The following FBXO28 variants were observed in gnomAD, a reference collection of about 807,000 sequenced individuals.
The protein encoded by FBXO28 is F-box protein 28, also known as F-box only protein 28.
Under a neutral mutation model 38.1 loss-of-function variants are expected in FBXO28, and 8 were observed. The ratio of observed to expected loss-of-function variants is 0.21; its 90% confidence interval spans 0.12 to 0.38. FBXO28 has a LOEUF of 0.38. FBXO28 is among the 10% of genes least tolerant of loss of function. The pLI, the probability that FBXO28 is intolerant of heterozygous loss-of-function variation, is 1.00. For missense variants in FBXO28, 345 were observed against 460.6 expected (o/e 0.75, Z 2.30); for synonymous variants, 168 against 173.8 (o/e 0.97, Z 0.26).
In FBXO28 at chr1:224,130,591, G is replaced by C; in HGVS notation, c.377+10G>C. On this transcript the variant is annotated intron_variant, in intron 2 of 4. Transcript: ENST00000366862. Reference sequence around the variant, plus strand: ...AAGCACAACTCCCAAGGTATGTTGTGGGTGGCAATGACAATGATGTACAGT... The same window carrying C: ...AAGCACAACTCCCAAGGTATGTTGTCGGTGGCAATGACAATGATGTACAGT... 5 of 1,563,222 alleles carry C rather than the reference G, an allele frequency of 3.2e-6. No homozygotes were observed. The highest frequency in any genetic ancestry group is 4.4e-6 in the Non-Finnish European group (5 of 1,134,716).
At position 224,141,859 on chromosome 1, in the gene FBXO28, C is replaced by T. The variant is rs187283255; in HGVS notation, c.516+7647C>T. Among the ~76,000 whole-genome samples the T allele has an allele frequency of 4.6e-3, 699 of 151,264 alleles. 2 individuals are homozygous for T. The highest frequency in any genetic ancestry group is 0.013 in the South Asian group (64 of 4,784). ...TGAAAGCCTAGGACATTACTGTACACTTTGTAAACACTGCATACTGAGGCT... is the reference window on the plus strand; with the variant it reads ...TGAAAGCCTAGGACATTACTGTACATTTTGTAAACACTGCATACTGAGGCT... On this transcript the variant is annotated intron_variant, in intron 3 of 4. Transcript: ENST00000366862.
rs1352363668 is a variant in FBXO28 at position 224,161,494 on chromosome 1, A to C, written c.*3748A>C. On this transcript the variant is annotated 3_prime_UTR_variant, in exon 5 of 5. Coordinates refer to ENST00000366862, the MANE Select transcript of FBXO28 (RefSeq NM_015176.4). ...GGTTCTTTGACTTGGGATCTATCTG[A>C]ATTGCTTTCACTAGTACACAAAAGG... The C allele has an allele frequency of 6.6e-6, 1 of 152,198 alleles. No homozygotes were observed. The highest frequency in any genetic ancestry group is 2.4e-5 in the African/African-American group (1 of 41,454). 9.4% of individuals were successfully genotyped at this position (152,198 alleles called of 1,614,324 possible).
chr1:224,145,060 T>A (rs1402235812), intron 3 of FBXO28, among the ~76,000 whole-genome samples: 1 of 151,694 alleles, frequency 6.6e-6, no homozygotes, highest in African/African-American at 2.4e-5. Context: ...GTCGAGTGGA[T>A]CGCTTGAGGT....
chr1:224,154,992 A>G (rs1311400991), intron 4 of FBXO28, among the ~76,000 whole-genome samples: 2 of 145,498 alleles, frequency 1.4e-5, no homozygotes, highest in African/African-American at 5.0e-5. Flanking sequence ...AAAAAAAAAA[A>G]TCATTAAGTT....
intron 1 of FBXO28, among the ~76,000 whole-genome samples, chr1:224,115,697 CTT>C (rs1191792720): frequency 2.6e-5 from 4 of 152,160 alleles, no homozygotes; most frequent in Admixed American, 6.5e-5. Flanking sequence ...CATGTAGAAT[CTT>C]AAATATTCCT....
intron 3 of FBXO28, among the ~76,000 whole-genome samples, chr1:224,137,969 T>A (rs1657236315): frequency 6.6e-6 from 1 of 151,862 alleles, no homozygotes; most frequent in African/African-American, 2.4e-5. Context: ...TCAGACAACC[T>A]GTAATCCCAG....
chr1:224,152,924 TCAAAAAAA>T (rs1657680146), intron 3 of FBXO28, among the ~76,000 whole-genome samples: 1 of 34,558 alleles, frequency 2.9e-5, no homozygotes, highest in African/African-American at 1.3e-4. Context: ...AAACTCTGTC[TCAAAAAAA>T]AAAAAAAAAA....
At chr1:224,120,991 A>G (rs1656759053) in intron 1 of FBXO28, among the ~76,000 whole-genome samples, 1 of 152,072 alleles carries the variant, frequency 6.6e-6, no homozygotes, top group South Asian at 2.1e-4. Flanking sequence ...AGGAGATTAG[A>G]ACTTTTTTTT....
Position 224,114,257 on chromosome 1 carries a change from CG to C in FBXO28, c.132del (p.Ser45ProfsTer26). Reference sequence around the variant, plus strand: ...CCGCCCGCGCCACAGCACCCGCAGCCGGGGTCCCAGGCGCTCCCAGCCCCCG... The same window carrying C: ...CCGCCCGCGCCACAGCACCCGCAGCCGGGTCCCAGGCGCTCCCAGCCCCCG... ...PPPPAPQHPQPGSQALPAPAL... is the reference protein window; with the variant it reads ...PPPPAPQHPQXGSQALPAPAL... On this transcript the variant is annotated frameshift_variant, in exon 1 of 5. Transcript: ENST00000366862. LOFTEE classifies it high-confidence loss of function. The C allele has an allele frequency of 6.4e-7, 1 of 1,555,058 alleles. No individual in the cohort carries two copies.
intron 3 of FBXO28, among the ~76,000 whole-genome samples, chr1:224,148,640 C>T (rs552803946): frequency 1.1e-4 from 17 of 150,372 alleles, no homozygotes; most frequent in Non-Finnish European, 2.1e-4. Flanking sequence ...CCAGCCTGGG[C>T]GACAGAGCAA....
intron 3 of FBXO28, 56 bp downstream of exon 3, chr1:224,134,268 A>G (rs571570627): frequency 6.5e-7 from 1 of 1,548,788 alleles, no homozygotes; most frequent in Non-Finnish European, 8.8e-7. Flanking sequence ...AACTTATTAT[A>G]CAGTTATGAA....
chr1:224,118,253 A>T (rs1292601843), intron 1 of FBXO28, among the ~76,000 whole-genome samples: 2 of 149,106 alleles, frequency 1.3e-5, no homozygotes, highest in East Asian at 4.0e-4. Context: ...ACAGTATAAA[A>T]AGGGTAAAAA....
At chr1:224,143,354 C>G (rs1038563173) in intron 3 of FBXO28, among the ~76,000 whole-genome samples, 1 of 152,184 alleles carries the variant, frequency 6.6e-6, no homozygotes, top group Non-Finnish European at 1.5e-5. Context: ...CATCTCAGAG[C>G]TGTGCCTGTT....
rs138447498 is a variant in FBXO28 at position 224,126,767 on chromosome 1, G to A, written c.268-3705G>A. ...GGAGGTGGCAGTGAGCCGAGATCAC[G>A]CCACTGCACCCCAGCCTGGGCAACA... On this transcript the variant is annotated intron_variant, in intron 1 of 4. Transcript: ENST00000366862. Among the ~76,000 whole-genome samples, 131 of 152,244 alleles carry A rather than the reference G, an allele frequency of 8.6e-4. 1 individual carries two copies. Among genetic ancestry groups the A allele is most frequent in the Admixed American group, 2.3e-3 (35 of 15,290 alleles).
chr1:224,145,794 C>T (rs1414085824), intron 3 of FBXO28, among the ~76,000 whole-genome samples: 4 of 152,052 alleles, frequency 2.6e-5, no homozygotes, highest in Non-Finnish European at 5.9e-5. Context: ...ATGGGCCAGG[C>T]GCAGTGACTC....
chr1:224,159,318 C>T lies in FBXO28; in HGVS notation c.*1572C>T, dbSNP rs1024864140. The T allele has an allele frequency of 1.3e-5, 2 of 152,474 alleles. No individual in the cohort carries two copies. Among genetic ancestry groups the T allele is most frequent in the African/African-American group, 4.8e-5 (2 of 41,388 alleles). The allele number at this position is 152,474 out of a possible 1,614,324, so 9.4% of individuals were successfully genotyped here. A position where few individuals can be genotyped will look rare whatever the true frequency, so the allele number is the denominator to read the frequency against. On this transcript the variant is annotated 3_prime_UTR_variant, in exon 5 of 5. Coordinates refer to ENST00000366862, the MANE Select transcript of FBXO28 (RefSeq NM_015176.4). Reference sequence around the variant, plus strand: ...CACCTTTTTTATCCGTCCACCGTGACATGGTTATGCATCCTTTAGATTAAC... The same window carrying T: ...CACCTTTTTTATCCGTCCACCGTGATATGGTTATGCATCCTTTAGATTAAC...
chr1:224,129,340 CA>C lies in FBXO28; in HGVS notation c.268-1127del, dbSNP rs774749330. Among the ~76,000 whole-genome samples, 176 of 152,204 alleles carry C rather than the reference CA, an allele frequency of 1.2e-3. 1 individual carries two copies. The highest frequency in any genetic ancestry group is 7.8e-3 in the Admixed American group (119 of 15,284). On this transcript the variant is annotated intron_variant, in intron 1 of 4. Transcript: ENST00000366862. Reference sequence around the variant, plus strand: ...GGGTGACAAGAGTGAAACTCCATCTCAAAAAGATATTTTGGAGGATATACAG... The same window carrying C: ...GGGTGACAAGAGTGAAACTCCATCTCAAAAGATATTTTGGAGGATATACAG...
rs930361391 is a variant in FBXO28, at chr1:224,158,955, C to T, written c.*1209C>T. Reference sequence around the variant, plus strand: ...CAAAAGCTTTAATTTTGTTTGCACTCCTATTTTGAGCTTGTAACTGGAAAA... The same window carrying T: ...CAAAAGCTTTAATTTTGTTTGCACTTCTATTTTGAGCTTGTAACTGGAAAA... On this transcript the variant is annotated 3_prime_UTR_variant, in exon 5 of 5. Transcript: ENST00000366862. The T allele has an allele frequency of 2.6e-5, 4 of 152,586 alleles. No homozygotes were observed. Among genetic ancestry groups the T allele is most frequent in the Non-Finnish European group, 5.9e-5 (4 of 68,028 alleles). 9.5% of individuals were successfully genotyped at this position (152,586 alleles called of 1,614,324 possible).
chr1:224,141,150 C>T (rs185818689), intron 3 of FBXO28, among the ~76,000 whole-genome samples: 361 of 151,918 alleles, frequency 2.4e-3, no homozygotes, highest in African/African-American at 8.2e-3. Context: ...CCACTGCACT[C>T]CAGCCTGGGC....
Sources: gnomAD v4.1 joint callset for allele counts (sites outside exome capture counted in the v4.1 genomes callset) on GRCh38, gnomAD v4.1.1 for gene constraint, MANE v1.5 for transcripts, NCBI Gene and HGNC (gene_info 2026-07-23, HGNC 2026-07-21) for gene names.